The following SELENOF variants were observed in gnomAD, a reference collection of about 807,000 sequenced individuals.
SELENOF encodes the protein 15 kDa selenoprotein.
In SELENOF, 16 loss-of-function variants were observed where a neutral mutation model predicts 20.5. The ratio of observed to expected loss-of-function variants is 0.78; its 90% CI spans 0.53 to 1.19. The LOEUF (loss-of-function observed/expected upper bound fraction) is 1.19, where lower values mean the gene tolerates loss of function less well. Among genes scored for constraint, SELENOF ranks in the 50% most tolerant of loss-of-function variants. The pLI is 0.00. For synonymous variants in SELENOF, 78 were observed against 74.5 expected (o/e 1.05, Z -0.24); for missense variants, 215 against 194.2 (o/e 1.11, Z -0.64).
chr1:86,903,914 A>G (rs1039868803), intron 1 of SELENOF, among the ~76,000 whole-genome samples: 1 of 152,164 alleles, frequency 6.6e-6, no homozygotes, highest in Non-Finnish European at 1.5e-5. Flanking sequence ...ACCTTATGTA[A>G]TAGTCTGGTT....
chr1:86,880,757 T>A, intron 2 of SELENOF, 32 bp from the exon 3 acceptor site: 1 of 1,331,634 alleles, frequency 7.5e-7, no homozygotes, highest in African/African-American at 1.5e-5. Flanking sequence ...TTTAAAAAAC[T>A]GGTATAAATT....
In SELENOF at chr1:86,880,652, T is replaced by C. The variant is rs1196675060; in HGVS notation, c.316+10A>G. On this transcript the variant is annotated intron_variant, in intron 3 of 4. Coordinates refer to ENST00000331835, the MANE Select transcript of SELENOF (RefSeq NM_004261.5). ...TGACTGAACAGTTTACTGGAGTAAA[T>C]TTTATATACCTTGGACTTGAGGGAA... 1 of 1,541,794 alleles carries C rather than the reference T, an allele frequency of 6.5e-7. No homozygotes were observed. Among genetic ancestry groups the C allele is most frequent in the Non-Finnish European group, 8.8e-7 (1 of 1,130,608 alleles).
At chr1:86,907,170 G>A (rs748328862) in intron 1 of SELENOF, among the ~76,000 whole-genome samples, 39 of 152,242 alleles carry the variant, frequency 2.6e-4, no homozygotes, top group African/African-American at 7.7e-4. Flanking sequence ...CATTTATCTC[G>A]TGGAATTCTG....
intron 1 of SELENOF, among the ~76,000 whole-genome samples, chr1:86,907,169 C>G (rs111462796): frequency 6.6e-6 from 1 of 152,114 alleles, no homozygotes; most frequent in Non-Finnish European, 1.5e-5. Context: ...TCATTTATCT[C>G]GTGGAATTCT....
In SELENOF at chr1:86,909,051, C is replaced by T. The variant is rs139961411; in HGVS notation, c.84+4977G>A. ...CTCAGAGGTATCAATTAACAAAACA[C>T]GAGTGCAGTCCCAATGACAGTTTTA... On this transcript the variant is annotated intron_variant, in intron 1 of 4. Coordinates refer to ENST00000331835, the MANE Select transcript of SELENOF (RefSeq NM_004261.5). Among the ~76,000 whole-genome samples the T allele has an allele frequency of 1.4e-3, 206 of 152,316 alleles. 1 individual carries two copies. The highest frequency in any genetic ancestry group is 4.7e-3 in the African/African-American group (197 of 41,576).
rs573463832 is a variant in SELENOF, at chr1:86,902,052, T to G, written c.252+1229A>C. Among the ~76,000 whole-genome samples, 27 of 152,332 alleles carry G rather than the reference T, an allele frequency of 1.8e-4. No homozygotes were observed. In the East Asian group the frequency reaches 4.8e-3, roughly 27 times the overall value. On this transcript the variant is annotated intron_variant, in intron 2 of 4. Coordinates refer to ENST00000331835, the MANE Select transcript of SELENOF (RefSeq NM_004261.5). The stretch of plus-strand genomic sequence containing the variant: ...GAGAGGATGGCTCATACAGATTTAT[T>G]CAGCAATTTGTCCCATGTGAATACC...
intron 1 of SELENOF, among the ~76,000 whole-genome samples, chr1:86,907,998 C>CA (rs368415232): frequency 0.033 from 4,590 of 139,600 alleles, 128 homozygotes; most frequent in African/African-American, 0.08. Context: ...AAAAAAAAAA[C>CA]AAAAAAAAAA....
intron 2 of SELENOF, among the ~76,000 whole-genome samples, chr1:86,891,331 G>A (rs1339358338): frequency 6.6e-6 from 1 of 151,560 alleles, no homozygotes; most frequent in Non-Finnish European, 1.5e-5. Context: ...TTACAGGTGT[G>A]AGTCACCACA....
intron 2 of SELENOF, among the ~76,000 whole-genome samples, chr1:86,881,498 G>C (rs1659069068): frequency 6.6e-6 from 1 of 152,182 alleles, no homozygotes; most frequent in South Asian, 2.1e-4. Flanking sequence ...GTGACCATAA[G>C]AGAAGGCTGG....
At chr1:86,911,803 A>G (rs1182816556) in intron 1 of SELENOF, among the ~76,000 whole-genome samples, 1 of 136,636 alleles carries the variant, frequency 7.3e-6, no homozygotes, top group Non-Finnish European at 1.5e-5. Context: ...TTTTTTTTTG[A>G]GACAGAGTCC....
At chr1:86,886,239 A>G (rs950635006) in intron 2 of SELENOF, among the ~76,000 whole-genome samples, 3 of 152,238 alleles carry the variant, frequency 2.0e-5, no homozygotes, top group African/African-American at 7.2e-5. Context: ...TCCATGCATC[A>G]GTATTTTTAA....
chr1:86,907,849 G>A (rs1279731234), intron 1 of SELENOF, among the ~76,000 whole-genome samples: 1 of 152,068 alleles, frequency 6.6e-6, no homozygotes, highest in African/African-American at 2.4e-5. Context: ...TAGCTGGGGT[G>A]GTGGCGCACA....
chr1:86,872,461 C>G (rs1416712895), intron 3 of SELENOF, among the ~76,000 whole-genome samples: 1 of 151,952 alleles, frequency 6.6e-6, no homozygotes. Context: ...CTCCGCCTCT[C>G]GGGTTCAGGC....
chr1:86,872,808 C>T lies in SELENOF; in HGVS notation c.317-4706G>A, dbSNP rs992841583. Among the ~76,000 whole-genome samples the T allele has an allele frequency of 4.6e-5, 7 of 151,814 alleles. No individual in the cohort carries two copies. In the East Asian group the frequency reaches 7.8e-4, roughly 17 times the overall value. On this transcript the variant is annotated intron_variant, in intron 3 of 4. Transcript: ENST00000331835. ...CTGTAATCCCAGCACTTTGGGAGGC[C>T]GAGGTGGGAGGATCACGAGGTCAGG...
At chr1:86,900,674 AGAGACGGAGACG>A (rs1019157209) in intron 2 of SELENOF, among the ~76,000 whole-genome samples, 4 of 149,684 alleles carry the variant, frequency 2.7e-5, no homozygotes, top group Non-Finnish European at 5.9e-5. Flanking sequence ...AGACGGAGAC[AGAGACGGAGACG>A]GAGACCGTGG....
intron 3 of SELENOF, among the ~76,000 whole-genome samples, chr1:86,873,687 C>CA (rs984870162): frequency 6.6e-6 from 1 of 151,562 alleles, no homozygotes; most frequent in Non-Finnish European, 1.5e-5. Flanking sequence ...CCCATCTCTA[C>CA]AAAAAATACA....
intron 2 of SELENOF, among the ~76,000 whole-genome samples, chr1:86,899,792 G>A (rs1203149733): frequency 4.0e-5 from 6 of 150,704 alleles, no homozygotes; most frequent in African/African-American, 1.2e-4. Context: ...CTTCTCAGAC[G>A]GGGCGGCTGC....
chr1:86,869,696 C>CT (rs1345291151), intron 3 of SELENOF, among the ~76,000 whole-genome samples: 1 of 151,686 alleles, frequency 6.6e-6, no homozygotes, highest in African/African-American at 2.4e-5. Flanking sequence ...TGTAATACAT[C>CT]TTTCTTTCTT....
chr1:86,913,751 C>A, intron 1 of SELENOF: 1 of 405,244 alleles, frequency 2.5e-6, no homozygotes. Context: ...CCCCTCCCAC[C>A]TGGTGTGGTT....
Sources: gnomAD v4.1 joint callset for allele counts (sites outside exome capture counted in the v4.1 genomes callset) on GRCh38, gnomAD v4.1.1 for gene constraint, MANE v1.5 for transcripts, NCBI Gene and HGNC (gene_info 2026-07-23, HGNC 2026-07-21) for gene names.